Variants in ZFAND3 observed in about 807,000 individuals in gnomAD.
ZFAND3 encodes the protein AN1-type zinc finger protein 3.
Under a neutral mutation model 29.6 loss-of-function variants are expected in ZFAND3, and 10 were observed. The observed-to-expected ratio is 0.34, with a 90% CI of 0.21 to 0.57. The LOEUF is 0.57. ZFAND3 is among the 20% of genes least tolerant of loss of function. The pLI, the probability that ZFAND3 is intolerant of heterozygous loss-of-function variation, is 0.86. For synonymous variants in ZFAND3, 128 were observed against 112.6 expected (o/e 1.14, Z -0.87); for missense variants, 230 against 304.5 (o/e 0.76, Z 1.82).
chr6:37,980,216 CTG>C (rs1195928206), intron 2 of ZFAND3, among the ~76,000 whole-genome samples: 1 of 142,646 alleles, frequency 7.0e-6, no homozygotes, highest in Admixed American at 7.0e-5. Context: ...TAATTTTTGT[CTG>C]TTTTTATTTG....
chr6:37,873,793 G>C (rs1276923280), intron 1 of ZFAND3, among the ~76,000 whole-genome samples: 9 of 152,172 alleles, frequency 5.9e-5, no homozygotes, highest in Admixed American at 2.6e-4. Context: ...CTCTGTTGCA[G>C]CTACTCACCC....
intron 1 of ZFAND3, among the ~76,000 whole-genome samples, chr6:37,886,871 G>T (rs1311810878): frequency 6.6e-6 from 1 of 152,142 alleles, no homozygotes; most frequent in Non-Finnish European, 1.5e-5. Context: ...AGGTGTGGTG[G>T]CACATGCCTG....
chr6:37,976,595 A>G (rs967580573), intron 2 of ZFAND3, among the ~76,000 whole-genome samples: 9 of 151,606 alleles, frequency 5.9e-5, no homozygotes, highest in Admixed American at 4.6e-4. Flanking sequence ...AAAAAAAAAA[A>G]AAAAAAAAAA....
intron 4 of ZFAND3, among the ~76,000 whole-genome samples, chr6:38,099,713 T>A (rs1405649242): frequency 6.6e-6 from 1 of 152,246 alleles, no homozygotes; most frequent in Admixed American, 6.5e-5. Flanking sequence ...AAAAAGACTA[T>A]AGCAGACAAT....
At chr6:38,077,643 A>G (rs776254774) in intron 3 of ZFAND3, among the ~76,000 whole-genome samples, 2 of 152,242 alleles carry the variant, frequency 1.3e-5, no homozygotes, top group Admixed American at 6.5e-5. Flanking sequence ...TTTTTAGCAC[A>G]TGATTAACTG....
chr6:37,933,883 A>ATT (rs58837762), intron 2 of ZFAND3, among the ~76,000 whole-genome samples: 4,190 of 116,454 alleles, frequency 0.036, 217 homozygotes, highest in Middle Eastern at 0.082. Context: ...TCTCTCTCTC[A>ATT]TTTTTTTTTT....
rs1459116553 is a variant in ZFAND3, at chr6:38,153,716, C to T, written c.*1327C>T. 3 of 985,386 alleles carry T rather than the reference C, an allele frequency of 3.0e-6. No homozygotes were observed. Among genetic ancestry groups the T allele is most frequent in the Non-Finnish European group, 3.6e-6 (3 of 829,956 alleles). The allele number at this position is 985,386 out of a possible 1,614,324, so 61.0% of individuals were successfully genotyped here. A position where few individuals can be genotyped will look rare whatever the true frequency, so the allele number is the denominator to read the frequency against. On this transcript the variant is annotated 3_prime_UTR_variant, in exon 6 of 6. Coordinates refer to ENST00000287218, the MANE Select transcript of ZFAND3 (RefSeq NM_021943.3). ...GTTGCCCCATGTTAGGAAATCACTA[C>T]CAGTCAGGTGGGGCTGGGGCTGGGT...
intron 5 of ZFAND3, among the ~76,000 whole-genome samples, chr6:38,149,117 A>G (rs1766169028): frequency 1.3e-5 from 2 of 151,970 alleles, no homozygotes; most frequent in South Asian, 2.1e-4. Context: ...TGGCCTCTCA[A>G]AGTGCTGGGA....
Position 38,097,177 on chromosome 6 carries a change from A to G in ZFAND3, c.361+14720A>G, listed in dbSNP as rs1275684157. On this transcript the variant is annotated intron_variant, in intron 4 of 5. Coordinates refer to ENST00000287218, the MANE Select transcript of ZFAND3 (RefSeq NM_021943.3). ...TGCAGCCTTGACCTCCTGGGCTCAA[A>G]CGATCCTCCTACCTCAGCCTCCTGA... is the stretch of plus-strand genomic sequence containing the variant. Among the ~76,000 whole-genome samples, 8 of 151,910 alleles carry G rather than the reference A, an allele frequency of 5.3e-5. No individual in the cohort carries two copies. The East Asian group carries it at 1.2e-3, about 22-fold the overall frequency.
chr6:38,073,413 A>G (rs1230890544), intron 3 of ZFAND3, among the ~76,000 whole-genome samples: 1 of 151,622 alleles, frequency 6.6e-6, no homozygotes, highest in East Asian at 1.9e-4. Context: ...GCTTGTGTTG[A>G]TGGTAAAATG....
intron 3 of ZFAND3, among the ~76,000 whole-genome samples, chr6:38,071,736 T>C (rs1197307693): frequency 6.6e-6 from 1 of 152,190 alleles, no homozygotes; most frequent in African/African-American, 2.4e-5. Flanking sequence ...CAAGAGAATG[T>C]CATCTCTCTG....
intron 2 of ZFAND3, among the ~76,000 whole-genome samples, chr6:38,026,153 C>T (rs1451434678): frequency 6.6e-6 from 1 of 152,108 alleles, no homozygotes; most frequent in Non-Finnish European, 1.5e-5. Flanking sequence ...CTTCAGCAAA[C>T]CTCTTAATGT....
chr6:37,832,091 A>G (rs1763872498), intron 1 of ZFAND3, among the ~76,000 whole-genome samples: 1 of 152,190 alleles, frequency 6.6e-6, no homozygotes, highest in Non-Finnish European at 1.5e-5. Context: ...AATAATGCAT[A>G]AAACAAAACA....
At chr6:37,987,042 T>C (rs1210455189) in intron 2 of ZFAND3, among the ~76,000 whole-genome samples, 1 of 152,248 alleles carries the variant, frequency 6.6e-6, no homozygotes, top group Non-Finnish European at 1.5e-5. Flanking sequence ...TGAGAATTAA[T>C]AGCCTTGAAA....
intron 1 of ZFAND3, among the ~76,000 whole-genome samples, chr6:37,843,053 C>T (rs572693124): frequency 6.1e-5 from 9 of 148,538 alleles, no homozygotes; most frequent in Admixed American, 1.4e-4. Context: ...ACCCAGGAGG[C>T]GGAGGTTCCA....
rs116135017 is a variant in ZFAND3, at chr6:37,845,982, T to A, written c.71+25966T>A. Among the ~76,000 whole-genome samples the A allele has an allele frequency of 2.8e-3, 428 of 152,328 alleles. 3 individuals carry two copies. Among genetic ancestry groups the A allele is most frequent in the African/African-American group, 9.9e-3 (412 of 41,574 alleles). ...TTGCACTGCCCTGCATCCTGGAATT[T>A]GTGAAGTGAAGTGTTCTCTCATCTC... On this transcript the variant is annotated intron_variant, in intron 1 of 5. Coordinates refer to ENST00000287218, the MANE Select transcript of ZFAND3 (RefSeq NM_021943.3).
intron 1 of ZFAND3, among the ~76,000 whole-genome samples, chr6:37,854,964 G>GTTTTTTTTTTTTT (rs34283914): frequency 1.3e-5 from 1 of 78,936 alleles, no homozygotes. Context: ...AATAATAGGT[G>GTTTTTTTTTTTTT]TTTTTTTTTT....
intron 2 of ZFAND3, among the ~76,000 whole-genome samples, chr6:37,950,059 T>C (rs1217714805): frequency 6.6e-6 from 1 of 152,212 alleles, no homozygotes; most frequent in African/African-American, 2.4e-5. Flanking sequence ...TTGGCAAATA[T>C]TTTCTCCCAT....
chr6:37,913,446 C>T (rs1003839840), intron 1 of ZFAND3, among the ~76,000 whole-genome samples: 4 of 152,092 alleles, frequency 2.6e-5, no homozygotes, highest in Admixed American at 2.6e-4. Context: ...TGCAGTGATT[C>T]ATATCTTCAG....
Sources: allele counts gnomAD v4.1 joint callset (sites outside exome capture counted in the v4.1 genomes callset), GRCh38; gene constraint gnomAD v4.1.1; transcripts MANE v1.5; gene names NCBI Gene and HGNC (gene_info 2026-07-23, HGNC 2026-07-21).